The following FTO variants were observed in gnomAD, a reference collection of about 807,000 sequenced individuals.
FTO encodes alpha-ketoglutarate-dependent dioxygenase FTO.
Under a neutral mutation model 63.9 loss-of-function variants are expected in FTO, and 47 were observed. That is an observed-to-expected ratio of 0.74 (90% CI 0.58 to 0.94). FTO has a LOEUF of 0.94. Among genes scored for constraint, FTO ranks in the 40% least tolerant of loss-of-function variants. The probability of loss-of-function intolerance (pLI) is 0.00; values close to 1 mark genes in which losing one functional copy is unlikely to be tolerated. For missense variants in FTO, 562 were observed against 618.1 expected (o/e 0.91, Z 0.96); for synonymous variants, 207 against 224.4 (o/e 0.92, Z 0.69).
chr16:53,849,151 A>C (rs1181586756), intron 4 of FTO, among the ~76,000 whole-genome samples: 1 of 152,198 alleles, frequency 6.6e-6, no homozygotes, highest in African/African-American at 2.4e-5. Flanking sequence ...CTATCAGGTA[A>C]CCAGGTCCCA....
intron 8 of FTO, among the ~76,000 whole-genome samples, chr16:54,010,793 G>C (rs931567431): frequency 1.2e-4 from 18 of 152,294 alleles, no homozygotes; most frequent in African/African-American, 4.3e-4. Flanking sequence ...TCTTTCAACT[G>C]AACTGTGAGA....
chr16:54,009,274 A>G (rs577106277), intron 8 of FTO, among the ~76,000 whole-genome samples: 8 of 152,270 alleles, frequency 5.3e-5, no homozygotes, highest in African/African-American at 1.4e-4. Context: ...ATAGTAATAG[A>G]TGAATTTGGA....
intron 7 of FTO, among the ~76,000 whole-genome samples, chr16:53,915,367 A>G (rs2081838134): frequency 6.6e-6 from 1 of 152,242 alleles, no homozygotes; most frequent in Non-Finnish European, 1.5e-5. Flanking sequence ...ACTTTATTAA[A>G]TATAAATAGA....
intron 8 of FTO, among the ~76,000 whole-genome samples, chr16:53,990,055 AT>A (rs1190733124): frequency 7.0e-6 from 1 of 142,526 alleles, no homozygotes; most frequent in Non-Finnish European, 1.5e-5. Flanking sequence ...GTTTATGTGA[AT>A]CAGTAAGGCT....
intron 8 of FTO, among the ~76,000 whole-genome samples, chr16:54,077,586 C>A (rs999464094): frequency 1.3e-5 from 2 of 152,060 alleles, no homozygotes; most frequent in East Asian, 3.9e-4. Flanking sequence ...ACACGGGCAG[C>A]GGTAGGACAA....
intron 8 of FTO, among the ~76,000 whole-genome samples, chr16:54,020,277 G>A (rs1450309140): frequency 6.6e-6 from 1 of 152,034 alleles, no homozygotes; most frequent in African/African-American, 2.4e-5. Context: ...TTTGACACTA[G>A]GGATATCAAA....
chr16:53,906,185 T>G (rs912862835), intron 7 of FTO, among the ~76,000 whole-genome samples: 4 of 152,200 alleles, frequency 2.6e-5, no homozygotes, highest in African/African-American at 7.2e-5. Flanking sequence ...ATTTTTAAAA[T>G]TTTTCATCAG....
chr16:53,865,735 G>A (rs2080294456), intron 4 of FTO, among the ~76,000 whole-genome samples: 1 of 152,144 alleles, frequency 6.6e-6, no homozygotes, highest in South Asian at 2.1e-4. Context: ...GCCTTCTGCT[G>A]CCATTCTTGT....
At position 54,113,716 on chromosome 16, in the gene FTO, A is replaced by T. The variant is rs2086939526; in HGVS notation, c.*1801A>T. On this transcript the variant is annotated 3_prime_UTR_variant, in exon 9 of 9. Transcript: ENST00000471389. ...CCCAGTGTTTTCTTTAGCCCCTATGATGTTCATTTTTTGTTATATCCCATT... is the reference window on the plus strand; with the variant it reads ...CCCAGTGTTTTCTTTAGCCCCTATGTTGTTCATTTTTTGTTATATCCCATT... The T allele has an allele frequency of 6.6e-6, 1 of 152,182 alleles. No homozygotes were observed. The highest frequency in any genetic ancestry group is 1.9e-4 in the East Asian group (1 of 5,174). The allele number at this position is 152,182 out of a possible 1,614,324, so 9.4% of individuals were successfully genotyped here. A position where few individuals can be genotyped will look rare whatever the true frequency, so the allele number is the denominator to read the frequency against.
At chr16:53,867,491 ATATGTGTG>A (rs942580551) in intron 4 of FTO, among the ~76,000 whole-genome samples, 3 of 127,534 alleles carry the variant, frequency 2.4e-5, no homozygotes, top group Admixed American at 1.6e-4. Context: ...TGTACGCCAC[ATATGTGTG>A]TGTGTGTGTG....
At chr16:54,049,460 TA>T (rs1423946813) in intron 8 of FTO, among the ~76,000 whole-genome samples, 3 of 152,186 alleles carry the variant, frequency 2.0e-5, no homozygotes, top group Non-Finnish European at 4.4e-5. Context: ...CAGGCTGATC[TA>T]CCACCTGGAA....
At chr16:54,024,802 GTTA>G (rs1454362076) in intron 8 of FTO, among the ~76,000 whole-genome samples, 1 of 152,148 alleles carries the variant, frequency 6.6e-6, no homozygotes, top group African/African-American at 2.4e-5. Flanking sequence ...AAGGTAAGCT[GTTA>G]TTATTCCCAA....
chr16:53,994,882 C>T (rs2083899569), intron 8 of FTO, among the ~76,000 whole-genome samples: 1 of 152,050 alleles, frequency 6.6e-6, no homozygotes, highest in South Asian at 2.1e-4. Flanking sequence ...TACAGGTGGA[C>T]ACTACCACTC....
intron 8 of FTO, among the ~76,000 whole-genome samples, chr16:53,981,036 A>T (rs2083530646): frequency 6.6e-6 from 1 of 152,132 alleles, no homozygotes; most frequent in Admixed American, 6.5e-5. Flanking sequence ...TTTGGAGAGA[A>T]ATTTTTGCCT....
intron 1 of FTO, among the ~76,000 whole-genome samples, chr16:53,706,638 G>A (rs754538606): frequency 2.6e-5 from 4 of 152,068 alleles, no homozygotes; most frequent in African/African-American, 4.8e-5. Context: ...GGCTGAAGCC[G>A]TCCTCCTGCC....
intron 3 of FTO, among the ~76,000 whole-genome samples, chr16:53,830,874 C>T (rs913858790): frequency 2.6e-5 from 4 of 152,048 alleles, no homozygotes; most frequent in Admixed American, 6.6e-5. Flanking sequence ...CCAGCCCGGG[C>T]GACAGAGTGA....
intron 7 of FTO, among the ~76,000 whole-genome samples, chr16:53,915,735 G>A (rs762388172): frequency 6.6e-6 from 1 of 152,172 alleles, no homozygotes; most frequent in Non-Finnish European, 1.5e-5. Context: ...AAGTTAACAT[G>A]TTCCTGCTCA....
chr16:53,834,803 A>G (rs191484248), intron 3 of FTO, among the ~76,000 whole-genome samples: 45 of 152,270 alleles, frequency 3.0e-4, no homozygotes, highest in Admixed American at 8.5e-4. Context: ...AGTTGATAAC[A>G]TACTTACATT....
At chr16:53,895,423 G>A (rs1397429839) in intron 7 of FTO, among the ~76,000 whole-genome samples, 1 of 152,166 alleles carries the variant, frequency 6.6e-6, no homozygotes, top group Non-Finnish European at 1.5e-5. Context: ...TCTTTGAAGT[G>A]TTTTTGCAAC....
Sources: gnomAD v4.1 joint callset for allele counts (sites outside exome capture counted in the v4.1 genomes callset) on GRCh38, gnomAD v4.1.1 for gene constraint, MANE v1.5 for transcripts, NCBI Gene and HGNC (gene_info 2026-07-23, HGNC 2026-07-21) for gene names.